Variants in NELL1 observed in about 807,000 individuals in gnomAD.
NELL1 encodes the protein protein kinase C-binding protein NELL1.
NELL1 carries 76 observed loss-of-function variants against 107.4 expected under a neutral mutation model. The observed-to-expected ratio is 0.71, with a 90% CI of 0.59 to 0.86. The LOEUF (loss-of-function observed/expected upper bound fraction) is 0.86, where lower values mean the gene tolerates loss of function less well. Among genes scored for constraint, NELL1 ranks in the 40% least tolerant of loss-of-function variants. NELL1 has a pLI of 0.00. For synonymous variants in NELL1, 353 were observed against 341.2 expected (o/e 1.03, Z -0.38); for missense variants, 1,024 against 1,005.5 (o/e 1.02, Z -0.25).
Position 21,534,457 on chromosome 11 carries a change from T to G in NELL1, c.1729T>G (p.Cys577Gly). 6.2e-7 allele frequency: 1 copy of G among 1,613,878 alleles called. No individual in the cohort carries two copies. The change falls in exon 16 of 20, where the codon TGC (cysteine) becomes GGC (glycine). Residue 577 changes from cysteine (C) to glycine (G), a missense_variant. Cys to Gly is a radical substitution (Grantham distance 159). Transcript: ENST00000357134. ...VNLPGWYHCE[C>G]RSGFHDDGTY... Reference sequence around the variant, plus strand: ...CCTGCCAGGGTGGTACCACTGTGAGTGCAGAAGCGGTTTCCATGACGATGG... The same window carrying G: ...CCTGCCAGGGTGGTACCACTGTGAGGGCAGAAGCGGTTTCCATGACGATGG...
chr11:20,795,567 A>G (rs1363681785), intron 3 of NELL1, among the ~76,000 whole-genome samples: 1 of 152,242 alleles, frequency 6.6e-6, no homozygotes, highest in East Asian at 1.9e-4. Flanking sequence ...AATGCAGATT[A>G]AATCTAATTG....
At chr11:20,997,497 A>G (rs1852117494) in intron 12 of NELL1, among the ~76,000 whole-genome samples, 1 of 152,218 alleles carries the variant, frequency 6.6e-6, no homozygotes, top group African/African-American at 2.4e-5. Flanking sequence ...AATCTGTGGA[A>G]TATGAATATA....
intron 3 of NELL1, among the ~76,000 whole-genome samples, chr11:20,796,197 C>A (rs1390911838): frequency 2.0e-5 from 3 of 152,130 alleles, no homozygotes; most frequent in African/African-American, 4.8e-5. Context: ...CTTTTCACAT[C>A]AAGATGTTGT....
At chr11:20,794,119 T>C (rs1425329904) in intron 3 of NELL1, among the ~76,000 whole-genome samples, 2 of 152,188 alleles carry the variant, frequency 1.3e-5, no homozygotes, top group Non-Finnish European at 2.9e-5. Context: ...CATAGTCTCC[T>C]TGGATAGGTT....
chr11:21,490,193 T>C (rs146932377), intron 15 of NELL1, among the ~76,000 whole-genome samples: 2 of 151,918 alleles, frequency 1.3e-5, no homozygotes, highest in African/African-American at 2.4e-5. Context: ...TTATTTACAA[T>C]AGCTCCAAAA....
intron 15 of NELL1, among the ~76,000 whole-genome samples, chr11:21,471,976 C>G (rs2133887259): frequency 6.6e-6 from 1 of 152,062 alleles, no homozygotes; most frequent in South Asian, 2.1e-4. Flanking sequence ...AAACAAGGTA[C>G]AGTACATTAT....
At chr11:20,841,948 G>A (rs1288631096) in intron 3 of NELL1, among the ~76,000 whole-genome samples, 8 of 152,162 alleles carry the variant, frequency 5.3e-5, no homozygotes, top group African/African-American at 1.9e-4. Context: ...TAAAAGCTGT[G>A]GTACTGCCTC....
rs1001005074 is a variant in NELL1 at position 21,291,589 on chromosome 11, T to C, written c.1549+62135T>C. On this transcript the variant is annotated intron_variant, in intron 14 of 19. Transcript: ENST00000357134. ...TCATTTTATGGGGCCAGCATCATCC[T>C]GATACCAAAACCTGGCAGAGATACA... 3.3e-5 allele frequency among the ~76,000 whole-genome samples: 5 copies of C among 152,154 alleles called. No individual in the cohort carries two copies. The South Asian group carries it at 1.0e-3, about 32-fold the overall frequency.
At position 20,929,755 on chromosome 11, in the gene NELL1, T is replaced by G. The variant is rs190803009; in HGVS notation, c.997+1276T>G. ...GGGAGGCCGAGGCCGTCGGATCACC[T>G]GAGGTCAGGAGTTTGAGACCAGCCT... On this transcript the variant is annotated intron_variant, in intron 9 of 19. Coordinates refer to ENST00000357134, the MANE Select transcript of NELL1 (RefSeq NM_006157.5). Among the ~76,000 whole-genome samples, 1,400 of 152,236 alleles carry G rather than the reference T, an allele frequency of 9.2e-3. 22 individuals are homozygous for G. The highest frequency in any genetic ancestry group is 0.03 in the African/African-American group (1,248 of 41,552).
At chr11:21,431,596 G>GA in intron 15 of NELL1, among the ~76,000 whole-genome samples, 1 of 152,160 alleles carries the variant, frequency 6.6e-6, no homozygotes, top group Non-Finnish European at 1.5e-5. Flanking sequence ...GATAAGGTTG[G>GA]AAAGTAAGGG....
intron 12 of NELL1, among the ~76,000 whole-genome samples, chr11:20,975,944 CATATATGT>C (rs1851616016): frequency 7.8e-6 from 1 of 128,974 alleles, no homozygotes; most frequent in Admixed American, 7.7e-5. Context: ...TATATGTGTA[CATATATGT>C]ACATTATATA....
chr11:20,870,337 A>T (rs574053994), intron 4 of NELL1, among the ~76,000 whole-genome samples: 10 of 151,950 alleles, frequency 6.6e-5, no homozygotes, highest in Non-Finnish European at 1.2e-4. Flanking sequence ...CCTTCTTCGA[A>T]TTCTCTCACC....
At chr11:21,197,261 T>G (rs895129396) in intron 13 of NELL1, among the ~76,000 whole-genome samples, 2 of 151,522 alleles carry the variant, frequency 1.3e-5, no homozygotes, top group African/African-American at 2.4e-5. Flanking sequence ...AAAACATGAG[T>G]AAGTTCACAG....
intron 3 of NELL1, among the ~76,000 whole-genome samples, chr11:20,802,286 T>C (rs944731662): frequency 6.6e-6 from 1 of 152,192 alleles, no homozygotes; most frequent in Admixed American, 6.5e-5. Context: ...TCAAGTTTTC[T>C]GTATAGAGAT....
At chr11:20,910,121 G>T (rs1850093195) in intron 5 of NELL1, among the ~76,000 whole-genome samples, 1 of 152,188 alleles carries the variant, frequency 6.6e-6, no homozygotes, top group East Asian at 1.9e-4. Context: ...TAGTCTCAGT[G>T]CCATGGTGAT....
At chr11:21,134,255 G>A (rs1244855673) in intron 13 of NELL1, among the ~76,000 whole-genome samples, 1 of 152,308 alleles carries the variant, frequency 6.6e-6, no homozygotes, top group Admixed American at 6.5e-5. Flanking sequence ...AGGCTAGGAT[G>A]ACCAAAGAAA....
intron 12 of NELL1, among the ~76,000 whole-genome samples, chr11:21,025,684 G>GT (rs1852798947): frequency 6.6e-6 from 1 of 151,972 alleles, no homozygotes; most frequent in African/African-American, 2.4e-5. Flanking sequence ...TTGTTCTGTG[G>GT]TTTTAGATAG....
At chr11:21,559,114 T>C (rs1348342959) in intron 16 of NELL1, among the ~76,000 whole-genome samples, 1 of 152,264 alleles carries the variant, frequency 6.6e-6, no homozygotes, top group African/African-American at 2.4e-5. Context: ...TGGAAAAAAG[T>C]AACTTCTAGA....
intron 14 of NELL1, among the ~76,000 whole-genome samples, chr11:21,259,205 C>G (rs1475299231): frequency 6.6e-6 from 1 of 151,840 alleles, no homozygotes. Context: ...GAATGAGACA[C>G]CATCTCCACC....
Sources: allele counts gnomAD v4.1 joint callset (sites outside exome capture counted in the v4.1 genomes callset), GRCh38; gene constraint gnomAD v4.1.1; transcripts MANE v1.5; gene names NCBI Gene and HGNC (gene_info 2026-07-23, HGNC 2026-07-21).